The following BRF1 variants were observed in gnomAD, a reference collection of about 807,000 sequenced individuals.
BRF1 encodes the protein BRF1 general transcription factor IIIB subunit, also known as transcription factor IIIB 90 kDa subunit.
A neutral mutation model predicts 81.7 loss-of-function variants in BRF1; 59 were observed. The ratio of observed to expected loss-of-function variants is 0.72; its 90% confidence interval spans 0.59 to 0.90. BRF1 has a LOEUF of 0.90. Ranked by LOEUF, BRF1 falls within the 40% of genes least tolerant of loss-of-function variation. The pLI, the probability that BRF1 is intolerant of heterozygous loss-of-function variation, is 0.00. For synonymous variants in BRF1, 491 were observed against 395.6 expected, an observed-to-expected ratio of 1.24 and a Z score of -2.86; for missense variants, 1,050 against 936.3, an observed-to-expected ratio of 1.12 and a Z score of -1.58.
At chr14:105,286,650 G>A (rs1167346957) in intron 1 of BRF1, among the ~76,000 whole-genome samples, 1 of 152,004 alleles carries the variant, frequency 6.6e-6, no homozygotes, top group Non-Finnish European at 1.5e-5. Context: ...CTGTTGCCCA[G>A]GCTGGAGTGC....
intron 6 of BRF1, among the ~76,000 whole-genome samples, chr14:105,240,975 C>A (rs1315469788): frequency 6.6e-6 from 1 of 152,224 alleles, no homozygotes; most frequent in African/African-American, 2.4e-5. Context: ...AGACCACGGG[C>A]AGGGATGCCC....
At position 105,221,635 on chromosome 14, in the gene BRF1, C is replaced by T. The variant is rs1434677842; in HGVS notation, c.1315+13G>A. ...ATGACCTCAGCGTCCCCCAGGGCCC[C>T]ATCAGAACTCACTGGGGTCGCTGCT... is the stretch of plus-strand genomic sequence containing the variant. On this transcript the variant is annotated intron_variant, in intron 11 of 17. Transcript: ENST00000547530. 1.2e-6 allele frequency: 2 copies of T among 1,606,740 alleles called. No homozygotes were observed. The highest frequency in any genetic ancestry group is 3.4e-5 in the Admixed American group (2 of 58,386).
chr14:105,242,312 G>C (rs908783990), intron 5 of BRF1: 21 of 152,282 alleles, frequency 1.4e-4, no homozygotes, highest in African/African-American at 4.8e-4. Context: ...CCAATGATTT[G>C]TGGTGATTTG....
chr14:105,267,257 C>T (rs587644889), intron 3 of BRF1, among the ~76,000 whole-genome samples: 2 of 152,154 alleles, frequency 1.3e-5, no homozygotes, highest in East Asian at 3.8e-4. Flanking sequence ...TGGGCCCACG[C>T]TGGGTGTGCC....
intron 3 of BRF1, among the ~76,000 whole-genome samples, chr14:105,258,281 G>C (rs1037866114): frequency 9.9e-5 from 15 of 152,100 alleles, no homozygotes; most frequent in Admixed American, 9.8e-4. Flanking sequence ...AAGGTCAGGA[G>C]ATCGAGACCA....
intron 5 of BRF1, chr14:105,249,425 A>T (rs1267244596): frequency 1.2e-6 from 2 of 1,613,554 alleles, no homozygotes; most frequent in Admixed American, 3.3e-5. Context: ...CGGAAGTCAA[A>T]TCTGAAATTC....
chr14:105,286,013 T>C (rs927539372), intron 2 of BRF1, among the ~76,000 whole-genome samples: 2 of 152,186 alleles, frequency 1.3e-5, no homozygotes, highest in Non-Finnish European at 2.9e-5. Context: ...GCTATAAATG[T>C]GTTATTTCTG....
intron 3 of BRF1, among the ~76,000 whole-genome samples, chr14:105,262,682 C>T (rs978423278): frequency 2.0e-5 from 3 of 152,204 alleles, no homozygotes; most frequent in Non-Finnish European, 2.9e-5. Flanking sequence ...GGTGGTCTCA[C>T]GGATAATGCA....
At chr14:105,258,269 A>G (rs587689439) in intron 3 of BRF1, among the ~76,000 whole-genome samples, 2 of 152,274 alleles carry the variant, frequency 1.3e-5, no homozygotes, top group Non-Finnish European at 2.9e-5. Flanking sequence ...TGGGTGGATC[A>G]CAAGGTCAGG....
At chr14:105,270,054 C>T (rs949214024) in intron 3 of BRF1, among the ~76,000 whole-genome samples, 3 of 152,186 alleles carry the variant, frequency 2.0e-5, no homozygotes, top group African/African-American at 7.2e-5. Context: ...CGGGCGTGGG[C>T]TCTGTCTCTC....
At chr14:105,311,255 T>C (rs2058343375) in intron 1 of BRF1, among the ~76,000 whole-genome samples, 1 of 148,542 alleles carries the variant, frequency 6.7e-6, no homozygotes, top group African/African-American at 2.5e-5. Context: ...TGCCCGGCCT[T>C]TTTATTTTTA....
intron 3 of BRF1, among the ~76,000 whole-genome samples, chr14:105,263,297 T>TA (rs987349454): frequency 2.6e-4 from 37 of 143,162 alleles, no homozygotes; most frequent in Admixed American, 1.2e-3. Context: ...CAAGGGAAGA[T>TA]AGAGTTTACA....
At position 105,209,867 on chromosome 14, in the gene BRF1, G is replaced by C. The variant is rs961866613; in HGVS notation, c.*684C>G. ...CCACAACTCAAGTGGCCCTGGAGCA[G>C]GGGTCTGACCCCCATGCTGCTCCAG... On this transcript the variant is annotated 3_prime_UTR_variant, in exon 18 of 18. Transcript: ENST00000547530. The C allele has an allele frequency of 6.2e-6, 3 of 485,714 alleles. No homozygotes were observed. The highest frequency in any genetic ancestry group is 1.1e-5 in the Non-Finnish European group (3 of 277,150). The allele number at this position is 485,714 out of a possible 1,614,324, so 30.1% of individuals were successfully genotyped here. A position where few individuals can be genotyped will look rare whatever the true frequency, so the allele number is the denominator to read the frequency against.
chr14:105,247,358 T>G (rs995675291), intron 5 of BRF1: 38 of 985,496 alleles, frequency 3.9e-5, no homozygotes, highest in Non-Finnish European at 4.5e-5. Context: ...TTCAGCCGCC[T>G]GGGGGCTCGG....
At chr14:105,270,455 G>A (rs2056608276) in intron 3 of BRF1, among the ~76,000 whole-genome samples, 1 of 151,746 alleles carries the variant, frequency 6.6e-6, no homozygotes, top group East Asian at 2.0e-4. Context: ...GATTACAGGC[G>A]TGAGCCACCA....
chr14:105,260,979 T>C (rs2056124419), intron 3 of BRF1, among the ~76,000 whole-genome samples: 1 of 152,232 alleles, frequency 6.6e-6, no homozygotes, highest in Admixed American at 6.5e-5. Context: ...CTCTGGAGGT[T>C]CTCCTGTGTC....
At position 105,271,573 on chromosome 14, in the gene BRF1, A is replaced by C. The variant is rs2056658100; in HGVS notation, c.439+1148T>G. 6.6e-6 allele frequency among the ~76,000 whole-genome samples: 1 copy of C among 152,208 alleles called. No individual in the cohort carries two copies. The highest frequency in any genetic ancestry group is 2.1e-4 in the South Asian group (1 of 4,832). The stretch of plus-strand genomic sequence containing the variant: ...GCAGGAGGCACCTCACAAGATGAGG[A>C]GGGTGTGGACCAGGAAGCGGGGAGT... On this transcript the variant is annotated intron_variant, in intron 3 of 17. Coordinates refer to ENST00000547530, the MANE Select transcript of BRF1 (RefSeq NM_001519.4). The surrounding 1 kb of genome is among the most constrained non-coding windows in gnomAD (Gnocchi z 5.5).
At chr14:105,258,523 C>T (rs1428605241) in intron 3 of BRF1, among the ~76,000 whole-genome samples, 8 of 145,746 alleles carry the variant, frequency 5.5e-5, no homozygotes, top group South Asian at 4.4e-4. Flanking sequence ...TAAGGCCAGG[C>T]GCAGTGGCTC....
intron 1 of BRF1, among the ~76,000 whole-genome samples, chr14:105,306,316 GTTTTT>G (rs1284405914): frequency 4.6e-5 from 7 of 151,216 alleles, no homozygotes; most frequent in African/African-American, 1.7e-4. Context: ...GTTTTGTTTT[GTTTTT>G]GAGACACAGT....
Sources: allele counts gnomAD v4.1 joint callset (sites outside exome capture counted in the v4.1 genomes callset), GRCh38; gene constraint gnomAD v4.1.1; non-coding constraint Gnocchi (gnomAD v3.1); transcripts MANE v1.5; gene names NCBI Gene and HGNC (gene_info 2026-07-23, HGNC 2026-07-21).